Variants in GART observed in about 807,000 individuals in gnomAD.
The protein encoded by GART is trifunctional purine biosynthetic protein adenosine-3.
GART carries 43 observed loss-of-function variants against 107.2 expected under a neutral mutation model. The observed-to-expected ratio is 0.40, with a 90% confidence interval of 0.31 to 0.52. GART has a LOEUF of 0.52. Among genes scored for constraint, GART ranks in the 20% least tolerant of loss-of-function variants. The pLI is 0.52. For synonymous variants in GART, 434 were observed against 427.0 expected (o/e 1.02, Z -0.20); for missense variants, 1,107 against 1,206.5 (o/e 0.92, Z 1.22).
rs1416895906 is a variant in GART, at chr21:33,509,845, A to G, written c.2390T>C (p.Leu797Pro). 1.2e-6 allele frequency: 2 copies of G among 1,613,892 alleles called. No individual in the cohort carries two copies. Among genetic ancestry groups the G allele is most frequent in the South Asian group, 2.2e-5 (2 of 91,068 alleles). The stretch of plus-strand genomic sequence containing the variant: ...TTTTTCAAAAGAGAAATGATTTGTC[A>G]GGGAGCCATTCTTCAACACTGACCC... ...INGSVLKNGS[L>P]TNHFSFEKKK... The change falls in exon 18 of 22, where the codon CTG becomes CCG. Residue 797 changes from leucine (L) to proline (P), a missense_variant. Coordinates refer to ENST00000381815, the MANE Select transcript of GART (RefSeq NM_000819.5).
chr21:33,511,551 C>G, intron 16 of GART, 93 bp from the exon 17 acceptor site: 1 of 1,279,924 alleles, frequency 7.8e-7, no homozygotes, highest in Non-Finnish European at 1.1e-6. Context: ...AAATTATAAT[C>G]AGGCTCTGCT....
At chr21:33,533,733 C>T (rs3787708) in intron 4 of GART, among the ~76,000 whole-genome samples, 69,818 of 151,710 alleles carry the variant, frequency 0.46, 16,487 homozygotes, top group East Asian at 0.58. Context: ...GGTAAAACTC[C>T]GTCTCTACAA....
At position 33,528,400 on chromosome 21, in the gene GART, C is replaced by T. The variant is rs142456960; in HGVS notation, c.898-65G>A. The T allele has an allele frequency of 2.5e-4, 390 of 1,574,640 alleles. 1 individual carries two copies. In the East Asian group the frequency reaches 8.7e-3, roughly 35 times the overall value. ...TAGTTTTCCTTAAACATTTTATTCACTGGTGTACTAGCAGAACTTGCATGA... is the reference window on the plus strand; with the variant it reads ...TAGTTTTCCTTAAACATTTTATTCATTGGTGTACTAGCAGAACTTGCATGA... On this transcript the variant is annotated intron_variant, in intron 9 of 21. Coordinates refer to ENST00000381815, the MANE Select transcript of GART (RefSeq NM_000819.5).
In GART at chr21:33,521,431, A is replaced by T. The variant is rs576473363; in HGVS notation, c.1394-416T>A. On this transcript the variant is annotated intron_variant, in intron 12 of 21. Transcript: ENST00000381815. ...TGGATCACAAGGTCAGGAGATCGAG[A>T]CCATCCTGGTTAACACAGTGAAACC... 2.6e-5 allele frequency among the ~76,000 whole-genome samples: 4 copies of T among 152,054 alleles called. No homozygotes were observed. The East Asian group carries it at 7.8e-4, about 29-fold the overall frequency.
chr21:33,539,397 T>C (rs907524996), intron 1 of GART, 41 bp from the exon 2 acceptor site: 7 of 1,496,470 alleles, frequency 4.7e-6, no homozygotes, highest in Non-Finnish European at 6.3e-6. Flanking sequence ...AGGATGCACA[T>C]TTTAGAAACC....
chr21:33,533,472 A>AAAAT (rs913601607), intron 4 of GART, among the ~76,000 whole-genome samples: 68 of 150,584 alleles, frequency 4.5e-4, no homozygotes, highest in Middle Eastern at 3.4e-3. Flanking sequence ...AATAAAAATA[A>AAAAT]AAATAAATAA....
chr21:33,526,176 CTT>C (rs2085070460), intron 10 of GART, among the ~76,000 whole-genome samples: 1 of 150,696 alleles, frequency 6.6e-6, no homozygotes. Flanking sequence ...CGGGAACTTC[CTT>C]TTCTTTTTGG....
chr21:33,504,678 G>C (rs572161817), intron 20 of GART, 151 bp from the exon 21 acceptor site: 147 of 640,836 alleles, frequency 2.3e-4, no homozygotes, highest in South Asian at 9.7e-4. Context: ...TGAGGTAAAA[G>C]TAAGTTCTCA....
At chr21:33,519,645 T>A (rs1265563603) in intron 14 of GART, among the ~76,000 whole-genome samples, 1 of 150,148 alleles carries the variant, frequency 6.7e-6, no homozygotes, top group East Asian at 2.0e-4. Flanking sequence ...CTGGGCAACA[T>A]GGCAAAACCC....
intron 1 of GART, among the ~76,000 whole-genome samples, chr21:33,540,388 T>C (rs934045741): frequency 5.2e-5 from 8 of 152,388 alleles, no homozygotes; most frequent in Admixed American, 3.3e-4. Flanking sequence ...AAAAACCTCA[T>C]TTATTTCCTG....
chr21:33,507,345 T>C (rs187346211), intron 18 of GART, among the ~76,000 whole-genome samples: 1 of 152,208 alleles, frequency 6.6e-6, no homozygotes, highest in East Asian at 1.9e-4. Context: ...AGCTAAAAAT[T>C]AAAACAGTTG....
intron 16 of GART, among the ~76,000 whole-genome samples, chr21:33,516,577 T>C (rs2084883874): frequency 6.6e-6 from 1 of 152,226 alleles, no homozygotes; most frequent in African/African-American, 2.4e-5. Flanking sequence ...AACCTGAGAC[T>C]TCTTTTTACT....
intron 18 of GART, among the ~76,000 whole-genome samples, chr21:33,508,613 G>C (rs1019128020): frequency 6.6e-6 from 1 of 151,210 alleles, no homozygotes; most frequent in African/African-American, 2.4e-5. Flanking sequence ...TGTCTCCAGG[G>C]TTCAAGCAAT....
At position 33,524,932 on chromosome 21, in the gene GART, C is replaced by T; in HGVS notation, c.1135G>A (p.Val379Ile). 6.2e-7 allele frequency: 1 copy of T among 1,614,202 alleles called. No individual in the cohort carries two copies. Among genetic ancestry groups the T allele is most frequent in the Non-Finnish European group, 8.5e-7 (1 of 1,180,044 alleles). The change falls in exon 11 of 22, where the codon GTA (valine) becomes ATA (isoleucine). Residue 379 changes from valine to isoleucine, a missense_variant. Transcript: ENST00000381815. ...AGAACTCTACCCCCATGAGTTACTA[C>T]TTTGCCATTTTTGAGGGCAGTGCCT... ...HAGTALKNGKVVTHGGRVLAV... is the reference protein window; with the variant it reads ...HAGTALKNGKIVTHGGRVLAV...
At chr21:33,516,475 T>G (rs1252104263) in intron 16 of GART, among the ~76,000 whole-genome samples, 1 of 152,204 alleles carries the variant, frequency 6.6e-6, no homozygotes, top group East Asian at 1.9e-4. Flanking sequence ...CACCTTGGAA[T>G]AAACACACTG....
At position 33,535,330 on chromosome 21, in the gene GART, G is replaced by GAAA. The variant is rs567027710; in HGVS notation, c.146-13_146-11dup. 570 of 368,900 alleles carry GAAA rather than the reference G, an allele frequency of 1.5e-3. No individual in the cohort carries two copies. Among genetic ancestry groups the GAAA allele is most frequent in the South Asian group, 2.6e-3 (65 of 24,798 alleles). 22.9% of individuals were successfully genotyped at this position (368,900 alleles called of 1,614,324 possible). ...TCACTGATTGAGATGGCTGTAAACAGAAAAAAAAAAAAAAAAACCACTGCA... is the reference window on the plus strand; with the variant it reads ...TCACTGATTGAGATGGCTGTAAACAGAAAAAAAAAAAAAAAAAAAACCACTGCA... On this transcript the variant is annotated splice_polypyrimidine_tract_variant and intron_variant, in intron 2 of 21. Transcript: ENST00000381815.
At chr21:33,536,009 A>G (rs1010294265) in intron 2 of GART, among the ~76,000 whole-genome samples, 5 of 151,938 alleles carry the variant, frequency 3.3e-5, no homozygotes, top group Admixed American at 6.6e-5. Flanking sequence ...GCCTGGGTAG[A>G]TAACAAGAAC....
At chr21:33,533,528 G>C (rs748310013) in intron 4 of GART, among the ~76,000 whole-genome samples, 2 of 151,770 alleles carry the variant, frequency 1.3e-5, no homozygotes, top group Non-Finnish European at 2.9e-5. Flanking sequence ...AGATGACCAA[G>C]TGATGATTAC....
Position 33,504,068 on chromosome 21 carries a change from C to A in GART, c.*56G>T. ...GGCCAAGTCCATGATAAAAAACCAC[C>A]ATGCAAACAGCAAATAATTCTTTCT... On this transcript the variant is annotated 3_prime_UTR_variant, in exon 22 of 22. Coordinates refer to ENST00000381815, the MANE Select transcript of GART (RefSeq NM_000819.5). 2.7e-6 allele frequency: 4 copies of A among 1,487,096 alleles called. No individual in the cohort carries two copies. The highest frequency in any genetic ancestry group is 3.6e-6 in the Non-Finnish European group (4 of 1,104,390). 92.1% of individuals were successfully genotyped at this position (1,487,096 alleles called of 1,614,324 possible).
Sources: gnomAD v4.1 joint callset for allele counts (sites outside exome capture counted in the v4.1 genomes callset) on GRCh38, gnomAD v4.1.1 for gene constraint, MANE v1.5 for transcripts, NCBI Gene and HGNC (gene_info 2026-07-23, HGNC 2026-07-21) for gene names.